TGFB3: variants seen among roughly 807,000 people sequenced by gnomAD.
The protein encoded by TGFB3 is transforming growth factor beta 3, also known as transforming growth factor beta-3 proprotein.
Under a neutral mutation model 40.1 loss-of-function variants are expected in TGFB3, and 5 were observed. That is an observed-to-expected ratio of 0.12 (90% CI 0.07 to 0.26). The LOEUF is 0.26. Ranked by LOEUF, TGFB3 falls within the 10% of genes least tolerant of loss-of-function variation. The pLI is 1.00. For missense variants in TGFB3, 373 were observed against 530.1 expected (o/e 0.70, Z 2.91); for synonymous variants, 184 against 205.6 (o/e 0.89, Z 0.90).
At chr14:75,962,484 C>T (rs993750159) in intron 5 of TGFB3, among the ~76,000 whole-genome samples, 2 of 152,188 alleles carry the variant, frequency 1.3e-5, no homozygotes, top group Admixed American at 6.5e-5. Context: ...TCCCCAGCTT[C>T]ATTTCGGCAT....
intron 6 of TGFB3, 33 bp from the exon 7 acceptor site, chr14:75,959,378 G>A (rs1283782882): frequency 6.2e-7 from 1 of 1,613,074 alleles, no homozygotes; most frequent in Non-Finnish European, 8.5e-7. Context: ...GAGGTTGGAA[G>A]GCCAAGTCTC....
chr14:75,977,816 AG>A (rs1346668355), intron 1 of TGFB3, among the ~76,000 whole-genome samples: 6 of 151,950 alleles, frequency 3.9e-5, no homozygotes, highest in Non-Finnish European at 5.9e-5. Flanking sequence ...TGAACCCTAA[AG>A]GTTAAAGGAG....
rs560468476 is a variant in TGFB3, at chr14:75,971,630, G to A, written c.441C>T (p.Phe147=). 47 of 1,614,226 alleles carry A rather than the reference G, an allele frequency of 2.9e-5. No individual in the cohort carries two copies. The South Asian group carries it at 4.6e-4, about 16-fold the overall frequency. ...CCCGCAAGACCCGGAATTCTGCTCG[G>A]AATAGGTTGGTTCTATTTTTCTCCA... ...SSVEKNRTNL[F]RAEFRVLRVP... The change falls in exon 2 of 7, where the codon TTC becomes TTT. Residue 147 remains phenylalanine, a synonymous_variant. Transcript: ENST00000238682. This position sits in a 1 kb window ranked among gnomAD's most constrained non-coding sequence, Gnocchi z 4.5.
chr14:75,971,022 C>A lies in TGFB3; in HGVS notation c.646+104G>T, dbSNP rs929229652. 7 of 1,549,730 alleles carry A rather than the reference C, an allele frequency of 4.5e-6. No individual in the cohort carries two copies. In the African/African-American group the frequency reaches 9.5e-5, roughly 21 times the overall value. On this transcript the variant is annotated intron_variant, in intron 3 of 6. Coordinates refer to ENST00000238682, the MANE Select transcript of TGFB3 (RefSeq NM_003239.5). The surrounding 1 kb of genome is among the most constrained non-coding windows in gnomAD (Gnocchi z 4.5). Reference sequence around the variant, plus strand: ...CTCAGTGGCAAAGCTAGGGTTTGAACCCAGATCTCTGACTCCCTTAATTCT... The same window carrying A: ...CTCAGTGGCAAAGCTAGGGTTTGAAACCAGATCTCTGACTCCCTTAATTCT...
chr14:75,967,135 ATACAAGCC>A (rs1341877181), intron 3 of TGFB3, among the ~76,000 whole-genome samples: 1 of 152,236 alleles, frequency 6.6e-6, no homozygotes, highest in Non-Finnish European at 1.5e-5. Context: ...AGACAGAAGG[ATACAAGCC>A]TACAAGACTG....
upstream of TGFB3, among the ~76,000 whole-genome samples, chr14:75,982,290 C>T (rs2035445523): frequency 6.6e-6 from 1 of 152,230 alleles, no homozygotes; most frequent in Admixed American, 6.5e-5. This position sits in a 1 kb window ranked among gnomAD's most constrained non-coding sequence, Gnocchi z 4.0. Flanking sequence ...CCGGCGCCCT[C>T]TCGCCAGCTG....
intron 4 of TGFB3, among the ~76,000 whole-genome samples, chr14:75,964,770 G>A (rs2035201961): frequency 6.6e-6 from 1 of 152,130 alleles, no homozygotes; most frequent in African/African-American, 2.4e-5. Flanking sequence ...AAGGTCCTCT[G>A]GGCTCTAAGG....
At chr14:75,977,192 C>T (rs2035363748) in intron 1 of TGFB3, among the ~76,000 whole-genome samples, 1 of 152,224 alleles carries the variant, frequency 6.6e-6, no homozygotes, top group Admixed American at 6.5e-5. Flanking sequence ...TCTGGGTTTG[C>T]TGGTTGTCTT....
Position 75,971,816 on chromosome 14 carries a change from G to T in TGFB3, c.353-98C>A, listed in dbSNP as rs1016234043. ...GCACCAAGTGGCCACCGTCCCGCCTGCCACCTCCCTAGAGGCTTGAGGCCT... is the reference window on the plus strand; with the variant it reads ...GCACCAAGTGGCCACCGTCCCGCCTTCCACCTCCCTAGAGGCTTGAGGCCT... On this transcript the variant is annotated intron_variant, in intron 1 of 6. Coordinates refer to ENST00000238682, the MANE Select transcript of TGFB3 (RefSeq NM_003239.5). This position sits in a 1 kb window ranked among gnomAD's most constrained non-coding sequence, Gnocchi z 4.5. The T allele has an allele frequency of 7.2e-7, 1 of 1,395,422 alleles. No individual in the cohort carries two copies. The highest frequency in any genetic ancestry group is 1.0e-6 in the Non-Finnish European group (1 of 1,001,580). 86.4% of individuals were successfully genotyped at this position (1,395,422 alleles called of 1,614,324 possible).
chr14:75,982,599 G>C (rs543212352), upstream of TGFB3, among the ~76,000 whole-genome samples: 109 of 152,198 alleles, frequency 7.2e-4, no homozygotes, highest in Admixed American at 1.0e-3. The surrounding 1 kb of genome is among the most constrained non-coding windows in gnomAD (Gnocchi z 4.0). Flanking sequence ...CCGGAAGATC[G>C]AGGGTGCCCT....
At position 75,979,942 on chromosome 14, in the gene TGFB3, C is replaced by T. The variant is rs572533109; in HGVS notation, c.352+600G>A. Reference sequence around the variant, plus strand: ...CTCTTCCTTCCACACACACAGCTCACGTGGGTCTCGTGGGTCACGTGGGTG... The same window carrying T: ...CTCTTCCTTCCACACACACAGCTCATGTGGGTCTCGTGGGTCACGTGGGTG... On this transcript the variant is annotated intron_variant, in intron 1 of 6. Coordinates refer to ENST00000238682, the MANE Select transcript of TGFB3 (RefSeq NM_003239.5). This position sits in a 1 kb window ranked among gnomAD's most constrained non-coding sequence, Gnocchi z 4.8. Among the ~76,000 whole-genome samples the T allele has an allele frequency of 6.6e-6, 1 of 152,318 alleles. No homozygotes were observed. The highest frequency in any genetic ancestry group is 1.9e-4 in the East Asian group (1 of 5,172).
At chr14:75,973,291 C>T (rs2268625) in intron 1 of TGFB3, among the ~76,000 whole-genome samples, 117,263 of 152,176 alleles carry the variant, frequency 0.77, 45,758 homozygotes, top group Non-Finnish European at 0.83. Flanking sequence ...CAAGCAAATG[C>T]GCTACTGATC....
chr14:75,977,916 C>G (rs530637713), intron 1 of TGFB3, among the ~76,000 whole-genome samples: 2 of 152,144 alleles, frequency 1.3e-5, no homozygotes, highest in Admixed American at 1.3e-4. Flanking sequence ...AGGTTAGGGT[C>G]CCTGCTCTTT....
intron 6 of TGFB3, 62 bp from the exon 7 acceptor site, chr14:75,959,407 G>T (rs1246575580): frequency 1.9e-6 from 3 of 1,604,080 alleles, no homozygotes; most frequent in Non-Finnish European, 2.6e-6. Context: ...AACCCAGGAA[G>T]TCGCCCAGTT....
chr14:75,964,882 G>T (rs1201166370), intron 4 of TGFB3, among the ~76,000 whole-genome samples: 1 of 152,176 alleles, frequency 6.6e-6, no homozygotes, highest in Non-Finnish European at 1.5e-5. Flanking sequence ...AAAGAGGCCT[G>T]CACCTTTTCC....
chr14:75,960,774 G>C (rs997955934), intron 6 of TGFB3, 149 bp downstream of exon 6: 41 of 997,114 alleles, frequency 4.1e-5, no homozygotes, highest in Non-Finnish European at 5.8e-5. Context: ...CTGAGTCAGG[G>C]TGCCAAGATC....
At chr14:75,967,161 C>A (rs1351830084) in intron 3 of TGFB3, among the ~76,000 whole-genome samples, 1 of 152,206 alleles carries the variant, frequency 6.6e-6, no homozygotes, top group African/African-American at 2.4e-5. Flanking sequence ...CTGGAGATTC[C>A]CATCAACATT....
chr14:75,976,696 G>A (rs553124045), intron 1 of TGFB3, among the ~76,000 whole-genome samples: 42 of 152,260 alleles, frequency 2.8e-4, no homozygotes, highest in African/African-American at 8.4e-4. Flanking sequence ...GGCTGGGCAC[G>A]TGGGCTCCAG....
chr14:75,980,475 T>C lies in TGFB3; in HGVS notation c.352+67A>G, dbSNP rs1166111579. The C allele has an allele frequency of 2.7e-5, 41 of 1,531,290 alleles. No homozygotes were observed. Among genetic ancestry groups the C allele is most frequent in the Non-Finnish European group, 1.4e-5 (15 of 1,105,438 alleles). The allele number at this position is 1,531,290 out of a possible 1,614,324, so 94.9% of individuals were successfully genotyped here. A position where few individuals can be genotyped will look rare whatever the true frequency, so the allele number is the denominator to read the frequency against. On this transcript the variant is annotated intron_variant, in intron 1 of 6. Transcript: ENST00000238682. This position sits in a 1 kb window ranked among gnomAD's most constrained non-coding sequence, Gnocchi z 4.3. ...CTGTGTGGCCAGCACTAGGCCCCCC[T>C]CTGCAGAGCTCCCAGCTCCAGTTCA...
Sources: allele counts gnomAD v4.1 joint callset (sites outside exome capture counted in the v4.1 genomes callset), GRCh38; gene constraint gnomAD v4.1.1; non-coding constraint Gnocchi (gnomAD v3.1); transcripts MANE v1.5; gene names NCBI Gene and HGNC (gene_info 2026-07-23, HGNC 2026-07-21).